The following HSPG2 variants were observed in gnomAD, a reference collection of about 807,000 sequenced individuals.
HSPG2 encodes the protein heparan sulfate proteoglycan 2.
In HSPG2, 278 loss-of-function variants were observed where a neutral mutation model predicts 526.6. The observed-to-expected ratio is 0.53, with a 90% confidence interval of 0.48 to 0.58. The LOEUF (loss-of-function observed/expected upper bound fraction) is 0.58. Among genes scored for constraint, HSPG2 ranks in the 20% least tolerant of loss-of-function variants. HSPG2 has a pLI of 0.00. For missense variants in HSPG2, 5,354 were observed against 6,099.5 expected (o/e 0.88, Z 4.07); for synonymous variants, 2,465 against 2,555.4 (o/e 0.96, Z 1.07).
chr1:21,905,531 C>A (rs530442628), intron 1 of HSPG2, among the ~76,000 whole-genome samples: 1 of 152,346 alleles, frequency 6.6e-6, no homozygotes, highest in South Asian at 2.1e-4. Context: ...CACCTGAGGT[C>A]AGGAGTTCGA....
intron 33 of HSPG2, chr1:21,870,224 G>T: frequency 7.1e-6 from 7 of 985,550 alleles, no homozygotes; most frequent in Non-Finnish European, 8.4e-6. Context: ...TGTGATGCCC[G>T]CTGTGCCCAG....
At position 21,884,473 on chromosome 1, in the gene HSPG2, G is replaced by A. The variant is rs540576560; in HGVS notation, c.1654+55C>T. 1.7e-5 allele frequency: 28 copies of A among 1,607,960 alleles called. No individual in the cohort carries two copies. The East Asian group carries it at 5.8e-4, about 33-fold the overall frequency. On this transcript the variant is annotated intron_variant, in intron 13 of 96. Coordinates refer to ENST00000374695, the MANE Select transcript of HSPG2 (RefSeq NM_005529.7). ...CGCATCTATCCTCTGTGCCCCCTGGGTACAGAGGTACCCACCTCCCACCTC... is the reference window on the plus strand; with the variant it reads ...CGCATCTATCCTCTGTGCCCCCTGGATACAGAGGTACCCACCTCCCACCTC...
At position 21,839,733 on chromosome 1, in the gene HSPG2, T is replaced by C; in HGVS notation, c.9709+89A>G. On this transcript the variant is annotated intron_variant, in intron 72 of 96. Coordinates refer to ENST00000374695, the MANE Select transcript of HSPG2 (RefSeq NM_005529.7). This position sits in a 1 kb window ranked among gnomAD's most constrained non-coding sequence, Gnocchi z 4.5. ...TCCCCGTACTCCCCACCCCTGGGCA[T>C]GACATCATCTCTAGATCACATGTGT... The C allele has an allele frequency of 6.8e-7, 1 of 1,480,448 alleles. No homozygotes were observed. The highest frequency in any genetic ancestry group is 9.3e-7 in the Non-Finnish European group (1 of 1,076,398). 91.7% of individuals were successfully genotyped at this position (1,480,448 alleles called of 1,614,324 possible).
chr1:21,914,423 A>G (rs1222249075), intron 1 of HSPG2, among the ~76,000 whole-genome samples: 2 of 152,070 alleles, frequency 1.3e-5, no homozygotes, highest in African/African-American at 4.8e-5. Flanking sequence ...GAAAACAGCC[A>G]GGAGGCCGGT....
chr1:21,894,233 C>T (rs1187676497), intron 3 of HSPG2, among the ~76,000 whole-genome samples: 3 of 151,938 alleles, frequency 2.0e-5, no homozygotes, highest in African/African-American at 7.3e-5. Flanking sequence ...CACAGCCATG[C>T]CCAGGGGGAG....
Position 21,893,915 on chromosome 1 carries a change from C to CA in HSPG2, c.244+2006dup, listed in dbSNP as rs1642557622. Among the ~76,000 whole-genome samples the CA allele has an allele frequency of 6.7e-6, 1 of 149,646 alleles. No individual in the cohort carries two copies. Among genetic ancestry groups the CA allele is most frequent in the African/African-American group, 2.5e-5 (1 of 40,640 alleles). ...CAGGCAGAGGGGAGAGAGGGAAAGA[C>CA]AGAGGGCGACAGAAGCAGAGATGGT... is the stretch of plus-strand genomic sequence containing the variant. On this transcript the variant is annotated intron_variant, in intron 3 of 96. Transcript: ENST00000374695. The surrounding 1 kb of genome is among the most constrained non-coding windows in gnomAD (Gnocchi z 4.3).
chr1:21,833,272 G>C lies in HSPG2; in HGVS notation c.11091C>G (p.Ala3697=), dbSNP rs141904589. 4.3e-6 allele frequency: 7 copies of C among 1,613,248 alleles called. No homozygotes were observed. In the Admixed American group the frequency reaches 8.3e-5, roughly 19 times the overall value. The change falls in exon 80 of 97, where the codon GCC becomes GCG. Residue 3697 remains alanine (A), a synonymous_variant. Transcript: ENST00000374695. ...EIKITFRPDS[A]DGMLLYNGQK... is the part of the protein sequence containing the mutation. ...CAAATTAACCCTCCTGCTCACCATC[G>C]GCTGAGTCGGGCCGGAAGGTGATCT...
intron 37 of HSPG2, among the ~76,000 whole-genome samples, chr1:21,863,406 C>T (rs1031298750): frequency 5.9e-5 from 9 of 151,662 alleles, no homozygotes; most frequent in African/African-American, 1.5e-4. Flanking sequence ...AAAGAAAATA[C>T]GTGCATCCTC....
In HSPG2 at chr1:21,890,556, G is replaced by A. The variant is rs538183993; in HGVS notation, c.354+29C>T. On this transcript the variant is annotated intron_variant, in intron 4 of 96. Coordinates refer to ENST00000374695, the MANE Select transcript of HSPG2 (RefSeq NM_005529.7). This position sits in a 1 kb window ranked among gnomAD's most constrained non-coding sequence, Gnocchi z 4.1. ...TCCTCGGTCCTGCCCCGCCACACCCGCGAGCTTCCCAAACCCCCTTCACCT... is the reference window on the plus strand; with the variant it reads ...TCCTCGGTCCTGCCCCGCCACACCCACGAGCTTCCCAAACCCCCTTCACCT... The A allele has an allele frequency of 1.6e-5, 26 of 1,608,152 alleles. No individual in the cohort carries two copies. The highest frequency in any genetic ancestry group is 1.3e-4 in the South Asian group (12 of 90,962).
At position 21,824,451 on chromosome 1, in the gene HSPG2, T is replaced by C; in HGVS notation, c.12745-75A>G. The C allele has an allele frequency of 1.3e-6, 2 of 1,599,440 alleles. No homozygotes were observed. Among genetic ancestry groups the C allele is most frequent in the Non-Finnish European group, 1.7e-6 (2 of 1,169,162 alleles). On this transcript the variant is annotated intron_variant, in intron 93 of 96. Coordinates refer to ENST00000374695, the MANE Select transcript of HSPG2 (RefSeq NM_005529.7). This position sits in a 1 kb window ranked among gnomAD's most constrained non-coding sequence, Gnocchi z 5.9. ...GCTGCCGAGGCCAGGGGGCTCTGCT[T>C]TCCCCTCCCCCCACCACTCCGGCCA...
Position 21,824,104 on chromosome 1 carries a change from C to G in HSPG2, c.12899+17G>C. On this transcript the variant is annotated intron_variant, in intron 95 of 96. Coordinates refer to ENST00000374695, the MANE Select transcript of HSPG2 (RefSeq NM_005529.7). The surrounding 1 kb of genome is among the most constrained non-coding windows in gnomAD (Gnocchi z 5.9). ...GAACGCTGGGCCCCATCCCGAGTGCCCGGCAGGGTCCCTTACCGCAGTGCT... is the reference window on the plus strand; with the variant it reads ...GAACGCTGGGCCCCATCCCGAGTGCGCGGCAGGGTCCCTTACCGCAGTGCT... 1.9e-6 allele frequency: 3 copies of G among 1,609,892 alleles called. No individual in the cohort carries two copies. Among genetic ancestry groups the G allele is most frequent in the Non-Finnish European group, 2.5e-6 (3 of 1,178,236 alleles).
Position 21,861,381 on chromosome 1 carries a change from G to C in HSPG2, c.4955+376C>G, listed in dbSNP as rs377547074. ...ACATCAAGAATTCAAAAAGTGGCTG[G>C]GCATGGTGGCTCACGCCTGTAATGC... On this transcript the variant is annotated intron_variant, in intron 39 of 96. Coordinates refer to ENST00000374695, the MANE Select transcript of HSPG2 (RefSeq NM_005529.7). 2.4e-4 allele frequency among the ~76,000 whole-genome samples: 37 copies of C among 152,250 alleles called. No individual in the cohort carries two copies. The East Asian group carries it at 6.2e-3, about 25-fold the overall frequency.
intron 1 of HSPG2, among the ~76,000 whole-genome samples, chr1:21,901,529 G>T (rs984092657): frequency 6.6e-6 from 1 of 152,076 alleles, no homozygotes; most frequent in Non-Finnish European, 1.5e-5. Flanking sequence ...TTGTCTGCCT[G>T]CTCAGAGGCT....
Position 21,828,079 on chromosome 1 carries a change from G to T in HSPG2, c.12483C>A (p.Gly4161=). The change falls in exon 90 of 97, where the codon GGC becomes GGA. Residue 4161 remains glycine, a synonymous_variant. Coordinates refer to ENST00000374695, the MANE Select transcript of HSPG2 (RefSeq NM_005529.7). This position sits in a 1 kb window ranked among gnomAD's most constrained non-coding sequence, Gnocchi z 6.0. ...EPCLHGGTCQ[G]TRCLCLPGFS... is the part of the protein sequence containing the mutation. ...AGCCAGGGAGGCAGAGGCAGCGGGT[G>T]CCCTGGCAGGTGCCCCCATGCAGAC... is the stretch of plus-strand genomic sequence containing the variant. The T allele has an allele frequency of 1.2e-6, 2 of 1,613,146 alleles. No homozygotes were observed. Among genetic ancestry groups the T allele is most frequent in the African/African-American group, 1.3e-5 (1 of 74,982 alleles).
intron 74 of HSPG2, among the ~76,000 whole-genome samples, chr1:21,838,061 G>A (rs565295657): frequency 2.0e-5 from 3 of 151,156 alleles, no homozygotes; most frequent in South Asian, 2.1e-4. Context: ...GCTTGAACTC[G>A]GGAGATGGAG....
chr1:21,875,823 C>A (rs1210478747), intron 24 of HSPG2, 40 bp downstream of exon 24: 30 of 1,610,600 alleles, frequency 1.9e-5, no homozygotes, highest in Non-Finnish European at 2.5e-5. Flanking sequence ...GGAGCAAGGG[C>A]CTGCCCGCAC....
chr1:21,843,281 G>C lies in HSPG2; in HGVS notation c.8758+16C>G. ...CGCCTGTGCTCTGGCATCGCCCACT[G>C]CTCCCTATCACTCACCAGGAATGGG... is the stretch of plus-strand genomic sequence containing the variant. On this transcript the variant is annotated intron_variant, in intron 66 of 96. Coordinates refer to ENST00000374695, the MANE Select transcript of HSPG2 (RefSeq NM_005529.7). 3 of 1,613,828 alleles carry C rather than the reference G, an allele frequency of 1.9e-6. No homozygotes were observed. Among genetic ancestry groups the C allele is most frequent in the Middle Eastern group, 1.7e-4 (1 of 6,054 alleles).
intron 1 of HSPG2, 63 bp from the exon 2 acceptor site, chr1:21,896,373 T>C: frequency 1.3e-6 from 2 of 1,590,190 alleles, no homozygotes; most frequent in Non-Finnish European, 8.6e-7. Context: ...CCACGGTCCT[T>C]CCCCTCACTT....
intron 57 of HSPG2, 40 bp from the exon 58 acceptor site, chr1:21,849,071 G>A (rs1445492784): frequency 6.2e-7 from 1 of 1,606,240 alleles, no homozygotes; most frequent in South Asian, 1.1e-5. Context: ...TCAGAGCTGG[G>A]CACTGCGGCT....
Sources: gnomAD v4.1 joint callset for allele counts (sites outside exome capture counted in the v4.1 genomes callset) on GRCh38, gnomAD v4.1.1 for gene constraint, Gnocchi (gnomAD v3.1) non-coding constraint, MANE v1.5 for transcripts, NCBI Gene and HGNC (gene_info 2026-07-23, HGNC 2026-07-21) for gene names.